FGF14: variants seen among roughly 807,000 people sequenced by gnomAD.
FGF14 encodes the protein fibroblast growth factor 14.
FGF14 carries 5 observed loss-of-function variants against 25.5 expected under a neutral mutation model. That is an observed-to-expected ratio of 0.20 (90% CI 0.10 to 0.41). The LOEUF (loss-of-function observed/expected upper bound fraction) is 0.41, where lower values mean the gene tolerates loss of function less well. Among genes scored for constraint, FGF14 ranks in the 10% least tolerant of loss-of-function variants. The pLI is 1.00. For synonymous variants in FGF14, 138 were observed against 118.3 expected, an observed-to-expected ratio of 1.17 and a Z score of -1.08; for missense variants, 222 against 320.1, an observed-to-expected ratio of 0.69 and a Z score of 2.34.
At chr13:102,365,225 C>T (rs1555406607) in intron 1 of FGF14, among the ~76,000 whole-genome samples, 1 of 151,916 alleles carries the variant, frequency 6.6e-6, no homozygotes, top group Non-Finnish European at 1.5e-5. Context: ...GTCCTCTAAT[C>T]GGGAAAGTCC....
At chr13:101,838,000 T>C (rs1237857043) in intron 3 of FGF14, among the ~76,000 whole-genome samples, 5 of 151,956 alleles carry the variant, frequency 3.3e-5, no homozygotes, top group Non-Finnish European at 5.9e-5. Context: ...CCTTCTCCCA[T>C]GGTGCTGGAT....
At chr13:101,825,121 G>A (rs552897916) in intron 3 of FGF14, among the ~76,000 whole-genome samples, 1 of 152,338 alleles carries the variant, frequency 6.6e-6, no homozygotes, top group African/African-American at 2.4e-5. Flanking sequence ...GAGGTGGGAA[G>A]CCACAATTTA....
intron 1 of FGF14, among the ~76,000 whole-genome samples, chr13:102,120,415 A>C (rs2045665971): frequency 2.6e-5 from 4 of 152,184 alleles, no homozygotes; most frequent in Non-Finnish European, 5.9e-5. Flanking sequence ...AAATGAGGAG[A>C]GCTATCAGAG....
At position 101,993,990 on chromosome 13, in the gene FGF14, A is replaced by C. The variant is rs546624448; in HGVS notation, c.209-118694T>G. 4.4e-4 allele frequency among the ~76,000 whole-genome samples: 67 copies of C among 152,186 alleles called. 3 individuals carry two copies. The South Asian group carries it at 0.013, about 30-fold the overall frequency. ...AAAATATAAATATAGGTTGGCTATT[A>C]GATGAGATTAAGAAATTCCTTCATT... On this transcript the variant is annotated intron_variant, in intron 1 of 4. Coordinates refer to the FGF14 transcript ENST00000376131.
intron 1 of FGF14, among the ~76,000 whole-genome samples, chr13:102,076,894 T>C (rs1278608209): frequency 1.3e-5 from 2 of 151,966 alleles, no homozygotes; most frequent in Non-Finnish European, 2.9e-5. Flanking sequence ...GCTATAGTGA[T>C]TAAAACAGCA....
rs1194053722 is a variant in FGF14 at position 102,212,123 on chromosome 13, T to C, written c.208+189348A>G. On this transcript the variant is annotated intron_variant, in intron 1 of 4. Transcript: ENST00000376131. ...CCAATTCCCCAACCAGTTCCACAACTGGTCTGCCCAAATAGGTGATCTTTG... is the reference window on the plus strand; with the variant it reads ...CCAATTCCCCAACCAGTTCCACAACCGGTCTGCCCAAATAGGTGATCTTTG... Among the ~76,000 whole-genome samples, 4 of 152,314 alleles carry C rather than the reference T, an allele frequency of 2.6e-5. No individual in the cohort carries two copies. The South Asian group carries it at 8.3e-4, about 32-fold the overall frequency.
chr13:102,193,271 G>A (rs942404041), intron 1 of FGF14, among the ~76,000 whole-genome samples: 2 of 152,120 alleles, frequency 1.3e-5, no homozygotes, highest in African/African-American at 4.8e-5. Flanking sequence ...TTTCTTTGGA[G>A]CATGCGTGTG....
chr13:101,805,324 T>C (rs1384693110), intron 3 of FGF14, among the ~76,000 whole-genome samples: 1 of 152,190 alleles, frequency 6.6e-6, no homozygotes, highest in Non-Finnish European at 1.5e-5. Flanking sequence ...TAAATCATTA[T>C]GTCTAAAATG....
chr13:102,205,458 G>T (rs1419359842), intron 1 of FGF14, among the ~76,000 whole-genome samples: 1 of 151,938 alleles, frequency 6.6e-6, no homozygotes, highest in Non-Finnish European at 1.5e-5. Flanking sequence ...AGTACTGTAG[G>T]TATTGTGTGT....
At chr13:101,931,525 A>G (rs1165636380) in intron 1 of FGF14, among the ~76,000 whole-genome samples, 2 of 152,108 alleles carry the variant, frequency 1.3e-5, no homozygotes. Context: ...CTCCTCCACC[A>G]TGTCTGAAAG....
At chr13:102,353,123 G>A (rs1354278917) in intron 1 of FGF14, among the ~76,000 whole-genome samples, 1 of 152,076 alleles carries the variant, frequency 6.6e-6, no homozygotes, top group East Asian at 1.9e-4. Context: ...AAAAATAAAA[G>A]CAATATACCT....
intron 1 of FGF14, among the ~76,000 whole-genome samples, chr13:102,144,061 G>A (rs954535911): frequency 3.9e-5 from 6 of 152,064 alleles, no homozygotes; most frequent in African/African-American, 1.4e-4. Flanking sequence ...TGTTGCCCCG[G>A]CTGGAATGCA....
In FGF14 at chr13:101,936,259, T is replaced by C. The variant is rs2035095895; in HGVS notation, c.209-60963A>G. On this transcript the variant is annotated intron_variant, in intron 1 of 4. Coordinates refer to the FGF14 transcript ENST00000376131. ...CTGACCCACGAGGGTTGTGGGCACT[T>C]ACGTGGTCAAGAAGTGAAAAGAATT... 3.3e-5 allele frequency among the ~76,000 whole-genome samples: 5 copies of C among 152,302 alleles called. No individual in the cohort carries two copies. The South Asian group carries it at 1.0e-3, about 32-fold the overall frequency.
At chr13:102,203,642 T>C (rs2049773640) in intron 1 of FGF14, among the ~76,000 whole-genome samples, 1 of 152,236 alleles carries the variant, frequency 6.6e-6, no homozygotes, top group African/African-American at 2.4e-5. Flanking sequence ...GGAAAACTTT[T>C]ATTAAGGAAA....
At chr13:102,266,302 A>G (rs908886493) in intron 1 of FGF14, among the ~76,000 whole-genome samples, 1 of 152,142 alleles carries the variant, frequency 6.6e-6, no homozygotes, top group Non-Finnish European at 1.5e-5. Context: ...ACTGCCAAAG[A>G]TGGAGTTAGA....
At chr13:102,019,805 A>C (rs2040539209) in intron 1 of FGF14, among the ~76,000 whole-genome samples, 1 of 152,126 alleles carries the variant, frequency 6.6e-6, no homozygotes, top group African/African-American at 2.4e-5. Flanking sequence ...GAGCTGGGAG[A>C]GGCAGAATTG....
chr13:102,278,860 C>A (rs2053682094), intron 1 of FGF14, among the ~76,000 whole-genome samples: 2 of 152,092 alleles, frequency 1.3e-5, no homozygotes, highest in African/African-American at 4.8e-5. Flanking sequence ...AGTATAAACA[C>A]AGAGCGCATT....
intron 1 of FGF14, among the ~76,000 whole-genome samples, chr13:102,205,928 G>C (rs2049890321): frequency 1.4e-5 from 2 of 139,444 alleles, no homozygotes; most frequent in Non-Finnish European, 3.1e-5. Flanking sequence ...GGGTGACGTG[G>C]ACCAGTCACT....
chr13:101,908,229 C>T (rs904545331), intron 1 of FGF14, among the ~76,000 whole-genome samples: 3 of 152,136 alleles, frequency 2.0e-5, no homozygotes, highest in Admixed American at 2.0e-4. Flanking sequence ...TTTCTTCAGC[C>T]AAATTCAGCC....
Sources: gnomAD v4.1 joint callset for allele counts (sites outside exome capture counted in the v4.1 genomes callset) on GRCh38, gnomAD v4.1.1 for gene constraint, MANE v1.5 for transcripts, NCBI Gene and HGNC (gene_info 2026-07-23, HGNC 2026-07-21) for gene names.